Variants in KLHL29 observed in about 807,000 individuals in gnomAD.
KLHL29 encodes the protein kelch-like protein 29.
KLHL29 carries 21 observed loss-of-function variants against 80.4 expected under a neutral mutation model. The ratio of observed to expected loss-of-function variants is 0.26; its 90% CI spans 0.19 to 0.38. KLHL29 has a LOEUF of 0.38. Among genes scored for constraint, KLHL29 ranks in the 10% least tolerant of loss-of-function variants. The probability of loss-of-function intolerance (pLI) is 1.00; values close to 1 mark genes in which losing one functional copy is unlikely to be tolerated. For synonymous variants in KLHL29, 511 were observed against 526.8 expected (o/e 0.97, Z 0.41); for missense variants, 867 against 1,223.9 (o/e 0.71, Z 4.35).
chr2:23,642,870 G>A lies in KLHL29; in HGVS notation c.940+20G>A, dbSNP rs1428212320. ...CCAGAGGTAAGTCCTGCTGCCACGT[G>A]CCTCCCCACGGGCCTGCGTCTGCAC... On this transcript the variant is annotated intron_variant, in intron 5 of 13. Transcript: ENST00000486442. 3.2e-6 allele frequency: 5 copies of A among 1,550,196 alleles called. No homozygotes were observed. The highest frequency in any genetic ancestry group is 4.4e-6 in the Non-Finnish European group (5 of 1,146,810).
intron 1 of KLHL29, among the ~76,000 whole-genome samples, chr2:23,414,980 C>A (rs187450870): frequency 6.6e-6 from 1 of 152,342 alleles, no homozygotes; most frequent in East Asian, 1.9e-4. Flanking sequence ...AGTTGGAGAA[C>A]CAGGCTCAGA....
At chr2:23,635,590 G>A (rs944300602) in intron 3 of KLHL29, among the ~76,000 whole-genome samples, 1 of 152,234 alleles carries the variant, frequency 6.6e-6, no homozygotes, top group Admixed American at 6.5e-5. Flanking sequence ...CCATAAAACT[G>A]TGACCTTTGA....
At chr2:23,434,109 C>T (rs1191673519) in intron 1 of KLHL29, among the ~76,000 whole-genome samples, 3 of 151,908 alleles carry the variant, frequency 2.0e-5, no homozygotes, top group Non-Finnish European at 4.4e-5. Context: ...ATCACGAGGT[C>T]AGGAGATCGA....
At chr2:23,463,857 T>C (rs1168852726) in intron 1 of KLHL29, among the ~76,000 whole-genome samples, 1 of 152,228 alleles carries the variant, frequency 6.6e-6, no homozygotes, top group Admixed American at 6.5e-5. Flanking sequence ...GCACTATTGC[T>C]ACTATTAATG....
intron 3 of KLHL29, among the ~76,000 whole-genome samples, chr2:23,588,537 C>G (rs769493096): frequency 3.9e-5 from 6 of 152,218 alleles, no homozygotes; most frequent in Non-Finnish European, 7.3e-5. Context: ...CTGGCCCCTG[C>G]CCCAAGGAGC....
At chr2:23,558,412 T>TTTTTTTTCTTC (rs1667353438) in intron 2 of KLHL29, among the ~76,000 whole-genome samples, 1 of 128,992 alleles carries the variant, frequency 7.8e-6, no homozygotes, top group East Asian at 2.4e-4. Context: ...ATTTTCTCTT[T>TTTTTTTTCTTC]TTTTTTTTTT....
At chr2:23,463,020 A>G (rs183026773) in intron 1 of KLHL29, among the ~76,000 whole-genome samples, 147 of 151,850 alleles carry the variant, frequency 9.7e-4, no homozygotes, top group African/African-American at 3.3e-3. Context: ...ATTTCCACTT[A>G]TATTTCATGA....
chr2:23,566,152 C>G (rs1242017534), intron 3 of KLHL29, among the ~76,000 whole-genome samples: 1 of 152,246 alleles, frequency 6.6e-6, no homozygotes, highest in Non-Finnish European at 1.5e-5. Context: ...AAAGATTCCT[C>G]ACGTGTCTTG....
Position 23,642,364 on chromosome 2 carries a change from G to A in KLHL29, c.454G>A (p.Ala152Thr). ...CACAGGGCCATGGGTGACCACGGTGGCCGCCGGGAACCAGCCCACCCTGAT... is the reference window on the plus strand; with the variant it reads ...CACAGGGCCATGGGTGACCACGGTGACCGCCGGGAACCAGCCCACCCTGAT... ...PGTGPWVTTVAAGNQPTLIAH... is the reference protein window; with the variant it reads ...PGTGPWVTTVTAGNQPTLIAH... The change falls in exon 5 of 14, where the codon GCC becomes ACC. Residue 152 changes from alanine (A) to threonine (T), a missense_variant. Ala to Thr is a moderately conservative substitution (Grantham distance 58). Around this residue, in one of 2 missense-constraint regions of KLHL29, gnomAD observed 424 missense variants for 456.9 expected, o/e 0.93. Transcript: ENST00000486442. The A allele has an allele frequency of 7.0e-7, 1 of 1,433,538 alleles. No homozygotes were observed. Among genetic ancestry groups the A allele is most frequent in the Non-Finnish European group, 9.2e-7 (1 of 1,088,354 alleles). The allele number at this position is 1,433,538 out of a possible 1,614,324, so 88.8% of individuals were successfully genotyped here. A position where few individuals can be genotyped will look rare whatever the true frequency, so the allele number is the denominator to read the frequency against.
chr2:23,707,983 G>A lies in KLHL29; in HGVS notation c.*1319G>A, dbSNP rs943723196. 3 of 152,234 alleles carry A rather than the reference G, an allele frequency of 2.0e-5. No homozygotes were observed. The highest frequency in any genetic ancestry group is 7.2e-5 in the African/African-American group (3 of 41,458). 9.4% of individuals were successfully genotyped at this position (152,234 alleles called of 1,614,324 possible). On this transcript the variant is annotated 3_prime_UTR_variant, in exon 14 of 14. Coordinates refer to ENST00000486442, the MANE Select transcript of KLHL29 (RefSeq NM_052920.2). ...CACACGGTCAACAGTTTCCATTCCA[G>A]GGCAGGAGAATGCTGCCGCCACTGC...
intron 6 of KLHL29, among the ~76,000 whole-genome samples, chr2:23,688,046 C>T (rs1294926439): frequency 1.3e-5 from 2 of 152,196 alleles, no homozygotes; most frequent in Non-Finnish European, 2.9e-5. Flanking sequence ...CCTTCACCCT[C>T]TTCCCTGAGC....
At chr2:23,445,025 A>G (rs1448844749) in intron 1 of KLHL29, among the ~76,000 whole-genome samples, 1 of 152,222 alleles carries the variant, frequency 6.6e-6, no homozygotes, top group African/African-American at 2.4e-5. Context: ...GAAATGACAT[A>G]TAACAAAACC....
intron 1 of KLHL29, among the ~76,000 whole-genome samples, chr2:23,430,852 A>G (rs1663151916): frequency 1.3e-5 from 2 of 152,232 alleles, no homozygotes; most frequent in Admixed American, 6.5e-5. Flanking sequence ...ACCGAGGCCC[A>G]GAGGCAAAAA....
Position 23,507,843 on chromosome 2 carries a change from G to A in KLHL29, c.-46+32176G>A, listed in dbSNP as rs6544893. ...GAGTGAGAGGTTGGGCTAAAAGGTC[G>A]CTAAGATCACTTCTAGCCTGATCTT... On this transcript the variant is annotated intron_variant, in intron 2 of 13. Transcript: ENST00000486442. Among the ~76,000 whole-genome samples the A allele has an allele frequency of 7.2e-3, 1,101 of 152,268 alleles. 16 individuals carry two copies. Among genetic ancestry groups the A allele is most frequent in the African/African-American group, 0.025 (1,049 of 41,564 alleles).
intron 1 of KLHL29, among the ~76,000 whole-genome samples, chr2:23,393,166 C>T (rs942020808): frequency 1.4e-5 from 2 of 140,014 alleles, no homozygotes; most frequent in Admixed American, 1.4e-4. Context: ...TGGCACAAAA[C>T]TCTGGTAAAA....
intron 3 of KLHL29, among the ~76,000 whole-genome samples, chr2:23,572,647 C>T (rs1329432512): frequency 6.6e-6 from 1 of 151,624 alleles, no homozygotes; most frequent in Non-Finnish European, 1.5e-5. Context: ...ATCATCTCAA[C>T]TTACCTACTA....
intron 3 of KLHL29, among the ~76,000 whole-genome samples, chr2:23,607,827 G>A (rs906972091): frequency 2.6e-5 from 4 of 152,114 alleles, no homozygotes; most frequent in Non-Finnish European, 5.9e-5. Flanking sequence ...CACACCCCCA[G>A]CCCCATCCAT....
At chr2:23,603,371 A>T (rs647046) in intron 3 of KLHL29, among the ~76,000 whole-genome samples, 2 of 151,932 alleles carry the variant, frequency 1.3e-5, no homozygotes, top group Admixed American at 1.3e-4. Context: ...CAGCGGCGGC[A>T]GTCAGGGCTC....
At chr2:23,569,247 T>C (rs1667660267) in intron 3 of KLHL29, among the ~76,000 whole-genome samples, 1 of 152,220 alleles carries the variant, frequency 6.6e-6, no homozygotes, top group African/African-American at 2.4e-5. Context: ...CAAATTCTGA[T>C]GGGGAGACTT....
Sources: allele counts gnomAD v4.1 joint callset (sites outside exome capture counted in the v4.1 genomes callset), GRCh38; gene constraint gnomAD v4.1.1; regional missense constraint gnomAD v4.1.1; transcripts MANE v1.5; gene names NCBI Gene and HGNC (gene_info 2026-07-23, HGNC 2026-07-21).